Variants in AUH observed in about 807,000 individuals in gnomAD.
AUH encodes the protein AU RNA binding methylglutaconyl-CoA hydratase, also known as methylglutaconyl-CoA hydratase, mitochondrial.
A neutral mutation model predicts 42.3 loss-of-function variants in AUH; 29 were observed. That is an observed-to-expected ratio of 0.69 (90% CI 0.51 to 0.93). The LOEUF (loss-of-function observed/expected upper bound fraction) is 0.93. Among genes scored for constraint, AUH ranks in the 40% least tolerant of loss-of-function variants. AUH has a pLI of 0.00. For missense variants in AUH, 452 were observed against 438.1 expected (o/e 1.03, Z -0.28); for synonymous variants, 174 against 166.4 (o/e 1.05, Z -0.35).
intron 6 of AUH, among the ~76,000 whole-genome samples, chr9:91,291,189 G>A (rs896267563): frequency 5.3e-5 from 8 of 152,070 alleles, no homozygotes; most frequent in African/African-American, 1.7e-4. Context: ...TTTCTTATAA[G>A]GACCCCTTGT....
intron 3 of AUH, among the ~76,000 whole-genome samples, chr9:91,344,399 A>C (rs1831328858): frequency 6.6e-6 from 1 of 152,178 alleles, no homozygotes; most frequent in Non-Finnish European, 1.5e-5. Context: ...TTGATGTCTT[A>C]TGTCTCCCTA....
intron 6 of AUH, among the ~76,000 whole-genome samples, chr9:91,237,092 T>G (rs59101284): frequency 0.026 from 3,986 of 152,304 alleles, 81 homozygotes; most frequent in East Asian, 0.059. Context: ...CAGATTATGT[T>G]TCCTCCTATG....
intron 3 of AUH, among the ~76,000 whole-genome samples, chr9:91,339,084 T>C (rs1830910883): frequency 6.6e-6 from 1 of 152,242 alleles, no homozygotes; most frequent in Admixed American, 6.5e-5. Context: ...ATATGTTTAG[T>C]ATTGTATATT....
At chr9:91,222,047 C>T (rs924022243) in intron 6 of AUH, among the ~76,000 whole-genome samples, 7 of 151,834 alleles carry the variant, frequency 4.6e-5, no homozygotes, top group African/African-American at 1.2e-4. Context: ...AGCAAACTGA[C>T]GCCCACCATC....
chr9:91,274,208 G>C (rs1168432260), intron 6 of AUH, among the ~76,000 whole-genome samples: 1 of 152,010 alleles, frequency 6.6e-6, no homozygotes, highest in Non-Finnish European at 1.5e-5. Flanking sequence ...AAAAATCCTA[G>C]AAAATACAAA....
At chr9:91,344,884 A>C (rs1200110168) in intron 3 of AUH, among the ~76,000 whole-genome samples, 1 of 152,208 alleles carries the variant, frequency 6.6e-6, no homozygotes, top group Non-Finnish European at 1.5e-5. Flanking sequence ...GGTCTGTTCC[A>C]GGAATACACA....
intron 6 of AUH, among the ~76,000 whole-genome samples, chr9:91,238,602 T>C (rs1007976869): frequency 2.0e-5 from 3 of 152,254 alleles, no homozygotes; most frequent in African/African-American, 7.2e-5. Context: ...TGTTCATGTA[T>C]CACTTGGATA....
At chr9:91,286,087 T>C (rs764521405) in intron 6 of AUH, among the ~76,000 whole-genome samples, 2 of 152,140 alleles carry the variant, frequency 1.3e-5, no homozygotes, top group Admixed American at 1.3e-4. Flanking sequence ...AAAATCAAAT[T>C]TACCCTCACA....
At chr9:91,333,865 G>C (rs1830506861) in intron 3 of AUH, among the ~76,000 whole-genome samples, 1 of 152,048 alleles carries the variant, frequency 6.6e-6, no homozygotes. Context: ...TATTTTAAAG[G>C]CCTCTTTTTT....
chr9:91,285,347 C>T (rs552261524), intron 6 of AUH, among the ~76,000 whole-genome samples: 5 of 151,920 alleles, frequency 3.3e-5, no homozygotes, highest in Admixed American at 6.6e-5. Flanking sequence ...CATTAGGAGA[C>T]ACACCTAATG....
chr9:91,221,605 C>G (rs1158763122), intron 6 of AUH, among the ~76,000 whole-genome samples: 2 of 152,082 alleles, frequency 1.3e-5, no homozygotes, highest in Admixed American at 1.3e-4. Context: ...CACCCCTTTT[C>G]CAGCTGGTGA....
At chr9:91,301,661 CA>C (rs1827794079) in intron 4 of AUH, among the ~76,000 whole-genome samples, 1 of 152,100 alleles carries the variant, frequency 6.6e-6, no homozygotes, top group Non-Finnish European at 1.5e-5. Context: ...AGGGTCACTG[CA>C]AAAAGAGCCA....
chr9:91,287,687 A>T (rs1487148112), intron 6 of AUH, among the ~76,000 whole-genome samples: 4 of 152,160 alleles, frequency 2.6e-5, no homozygotes, highest in Admixed American at 2.6e-4. Flanking sequence ...AATTTGAAAA[A>T]ACTACAGATT....
At chr9:91,312,824 C>T (rs1256248156) in intron 4 of AUH, among the ~76,000 whole-genome samples, 2 of 152,128 alleles carry the variant, frequency 1.3e-5, no homozygotes, top group Non-Finnish European at 2.9e-5. Flanking sequence ...CATTTAATTA[C>T]TGGAGGGTCT....
intron 8 of AUH, 66 bp downstream of exon 8, chr9:91,217,211 A>C: frequency 2.0e-6 from 3 of 1,490,282 alleles, no homozygotes; most frequent in Non-Finnish European, 2.8e-6. Context: ...AAGTCTAAAC[A>C]TGGTTCATTT....
At chr9:91,334,038 T>C (rs1167991675) in intron 3 of AUH, among the ~76,000 whole-genome samples, 4 of 152,122 alleles carry the variant, frequency 2.6e-5, no homozygotes, top group African/African-American at 7.2e-5. Flanking sequence ...AGACAGACCC[T>C]TTATGTATTA....
At chr9:91,271,075 A>G (rs1390207994) in intron 6 of AUH, among the ~76,000 whole-genome samples, 1 of 152,218 alleles carries the variant, frequency 6.6e-6, no homozygotes, top group Non-Finnish European at 1.5e-5. Flanking sequence ...TTAAAATAAT[A>G]ATTTTTAAGT....
chr9:91,294,534 G>A (rs562319018), intron 6 of AUH: 3 of 364,454 alleles, frequency 8.2e-6, no homozygotes, highest in Admixed American at 3.4e-5. Context: ...GCAACAGAGC[G>A]AGACTCCGTC....
Position 91,214,289 on chromosome 9 carries a change from G to T in AUH, c.*59C>A. 1 of 1,448,438 alleles carries T rather than the reference G, an allele frequency of 6.9e-7. No individual in the cohort carries two copies. The allele number at this position is 1,448,438 out of a possible 1,614,324, so 89.7% of individuals were successfully genotyped here. On this transcript the variant is annotated 3_prime_UTR_variant, in exon 10 of 10. Transcript: ENST00000375731. ...ATGTGCTGAGGCATATAGTGGATCC[G>T]AAAGACACTTCCAGGAAGTACATTT...
Sources: gnomAD v4.1 joint callset for allele counts (sites outside exome capture counted in the v4.1 genomes callset) on GRCh38, gnomAD v4.1.1 for gene constraint, MANE v1.5 for transcripts, NCBI Gene and HGNC (gene_info 2026-07-23, HGNC 2026-07-21) for gene names.